Variants in GPC5 observed in about 807,000 individuals in gnomAD.
GPC5 encodes glypican-5.
In GPC5, 47 loss-of-function variants were observed where a neutral mutation model predicts 53.9. The ratio of observed to expected loss-of-function variants is 0.87; its 90% CI spans 0.69 to 1.11. GPC5 has a LOEUF of 1.11. GPC5 is among the 50% of genes most tolerant of loss of function. GPC5 has a pLI of 0.00. For synonymous variants in GPC5, 286 were observed against 263.3 expected (o/e 1.09, Z -0.84); for missense variants, 748 against 713.1 (o/e 1.05, Z -0.56).
intron 7 of GPC5, among the ~76,000 whole-genome samples, chr13:92,453,703 G>A (rs1303113420): frequency 6.6e-6 from 1 of 152,052 alleles, no homozygotes; most frequent in Non-Finnish European, 1.5e-5. Flanking sequence ...AATAATACCG[G>A]TATGTATTTG....
At chr13:92,542,790 T>C (rs1423619962) in intron 7 of GPC5, among the ~76,000 whole-genome samples, 1 of 152,070 alleles carries the variant, frequency 6.6e-6, no homozygotes, top group Admixed American at 6.6e-5. Context: ...TTGCTTTCAG[T>C]ACTTTAAATA....
intron 7 of GPC5, among the ~76,000 whole-genome samples, chr13:92,769,237 A>G (rs1220666415): frequency 6.6e-6 from 1 of 152,196 alleles, no homozygotes; most frequent in Non-Finnish European, 1.5e-5. Flanking sequence ...ATGGACTAGA[A>G]TATTATGGCA....
At chr13:92,828,815 T>A (rs1039097366) in intron 7 of GPC5, among the ~76,000 whole-genome samples, 5 of 152,122 alleles carry the variant, frequency 3.3e-5, no homozygotes, top group Non-Finnish European at 5.9e-5. Flanking sequence ...CAGAGTGGCA[T>A]AATAAACACT....
At chr13:91,422,001 G>A (rs2138987129) in intron 1 of GPC5, among the ~76,000 whole-genome samples, 1 of 152,294 alleles carries the variant, frequency 6.6e-6, no homozygotes, top group South Asian at 2.1e-4. Context: ...TAATGAAAAT[G>A]GGATGGAGCC....
intron 1 of GPC5, among the ~76,000 whole-genome samples, chr13:91,419,844 A>G (rs1878486150): frequency 6.6e-6 from 1 of 152,200 alleles, no homozygotes; most frequent in Non-Finnish European, 1.5e-5. Flanking sequence ...AGCAGGATGT[A>G]CCTAGTTGTT....
At chr13:92,826,530 T>G (rs1274617750) in intron 7 of GPC5, among the ~76,000 whole-genome samples, 2 of 152,142 alleles carry the variant, frequency 1.3e-5, no homozygotes, top group African/African-American at 2.4e-5. Flanking sequence ...AATAAACCTG[T>G]GTTGTTTCAA....
chr13:92,091,763 GAAA>G (rs758069084), intron 6 of GPC5, among the ~76,000 whole-genome samples: 3 of 86,054 alleles, frequency 3.5e-5, no homozygotes, highest in Non-Finnish European at 4.8e-5. Context: ...CCCCCACAGT[GAAA>G]AAAAAAAAAA....
At chr13:92,381,913 T>TATATATCATATATCATATATATG (rs1566565380) in intron 7 of GPC5, among the ~76,000 whole-genome samples, 1 of 136,776 alleles carries the variant, frequency 7.3e-6, no homozygotes, top group African/African-American at 2.8e-5. Flanking sequence ...ATATATGATA[T>TATATATCATATATCATATATATG]ATATAATCAT....
At chr13:92,050,321 A>AT (rs943587374) in intron 6 of GPC5, among the ~76,000 whole-genome samples, 7 of 151,706 alleles carry the variant, frequency 4.6e-5, no homozygotes, top group South Asian at 4.2e-4. Flanking sequence ...TCTTCTCTAT[A>AT]TTTTTTTTAA....
intron 5 of GPC5, among the ~76,000 whole-genome samples, chr13:91,852,477 GT>G (rs1425202769): frequency 4.6e-5 from 7 of 151,580 alleles, no homozygotes; most frequent in African/African-American, 7.3e-5. Flanking sequence ...GTCCATGGTG[GT>G]TTACTTGTTT....
At chr13:92,748,493 G>A (rs111680809) in intron 7 of GPC5, among the ~76,000 whole-genome samples, 419 of 151,774 alleles carry the variant, frequency 2.8e-3, no homozygotes, top group African/African-American at 9.3e-3. Flanking sequence ...CTAATTGTTT[G>A]TAATTTTTTT....
chr13:92,116,990 G>C (rs778499631), intron 6 of GPC5, among the ~76,000 whole-genome samples: 106 of 152,216 alleles, frequency 7.0e-4, no homozygotes, highest in Admixed American at 1.4e-3. Flanking sequence ...TTTATGGGTT[G>C]TCTATTCTCT....
intron 6 of GPC5, among the ~76,000 whole-genome samples, chr13:92,108,332 C>G (rs149706639): frequency 6.6e-6 from 1 of 152,038 alleles, no homozygotes; most frequent in Non-Finnish European, 1.5e-5. Context: ...TCACATGTAT[C>G]GACAGTAATT....
chr13:91,571,862 TGTGTGTATATATACACACATATAC>T lies in GPC5; in HGVS notation c.326-121313_326-121290del, dbSNP rs1566515798. Among the ~76,000 whole-genome samples, 15 of 125,422 alleles carry T rather than the reference TGTGTGTATATATACACACATATAC, an allele frequency of 1.2e-4. 2 individuals carry two copies. Among genetic ancestry groups the T allele is most frequent in the African/African-American group, 4.2e-4 (13 of 30,914 alleles). The allele number at this position is 125,422 out of a possible 152,430, so 82.3% of individuals were successfully genotyped here. Reference sequence around the variant, plus strand: ...ACTTGTGTGTATATACACATATACGTGTGTGTATATATACACACATATACGTGTGTATATACACATATTGTATAT... The same window carrying T: ...ACTTGTGTGTATATACACATATACGTGTGTGTATATACACATATTGTATAT... On this transcript the variant is annotated intron_variant, in intron 2 of 7. Coordinates refer to ENST00000377067, the MANE Select transcript of GPC5 (RefSeq NM_004466.6).
At chr13:91,690,813 G>A (rs899911545) in intron 2 of GPC5, among the ~76,000 whole-genome samples, 1 of 152,140 alleles carries the variant, frequency 6.6e-6, no homozygotes, top group Non-Finnish European at 1.5e-5. Context: ...TATGGCAATT[G>A]TCAGTCACAT....
intron 2 of GPC5, among the ~76,000 whole-genome samples, chr13:91,630,664 G>A (rs1280994399): frequency 6.6e-6 from 1 of 152,060 alleles, no homozygotes; most frequent in East Asian, 1.9e-4. Flanking sequence ...TTACAGAATG[G>A]AGAAGCCTCT....
At chr13:92,728,460 A>G (rs1262586120) in intron 7 of GPC5, among the ~76,000 whole-genome samples, 1 of 151,436 alleles carries the variant, frequency 6.6e-6, no homozygotes, top group Non-Finnish European at 1.5e-5. Flanking sequence ...TTTAGTTCAG[A>G]AGAATAGATT....
intron 7 of GPC5, among the ~76,000 whole-genome samples, chr13:92,200,365 C>T (rs1306677239): frequency 6.6e-6 from 1 of 152,172 alleles, no homozygotes; most frequent in East Asian, 1.9e-4. Context: ...TAATCATAAA[C>T]ATTTGCTAAG....
At chr13:91,714,744 G>A (rs1483392376) in intron 3 of GPC5, among the ~76,000 whole-genome samples, 1 of 151,766 alleles carries the variant, frequency 6.6e-6, no homozygotes, top group Non-Finnish European at 1.5e-5. Context: ...AAAAGTCTAT[G>A]GCATTAAAAA....
Sources: allele counts gnomAD v4.1 joint callset (sites outside exome capture counted in the v4.1 genomes callset), GRCh38; gene constraint gnomAD v4.1.1; transcripts MANE v1.5; gene names NCBI Gene and HGNC (gene_info 2026-07-23, HGNC 2026-07-21).